COL23A1: variants seen among roughly 807,000 people sequenced by gnomAD.
COL23A1 encodes the protein collagen alpha-1(XXIII) chain.
In COL23A1, 97 loss-of-function variants were observed where a neutral mutation model predicts 99.3. That is an observed-to-expected ratio of 0.98 (90% CI 0.83 to 1.16). The LOEUF (loss-of-function observed/expected upper bound fraction) is 1.16, where lower values mean the gene tolerates loss of function less well. COL23A1 is among the 50% of genes most tolerant of loss of function. The probability of loss-of-function intolerance (pLI) is 0.00; values close to 1 mark genes in which losing one functional copy is unlikely to be tolerated. For missense variants in COL23A1, 762 were observed against 757.4 expected, an observed-to-expected ratio of 1.01 and a Z score of -0.07; for synonymous variants, 320 against 308.2, an observed-to-expected ratio of 1.04 and a Z score of -0.40.
chr5:178,258,927 T>C lies in COL23A1; in HGVS notation c.729+794A>G, dbSNP rs528477776. ...TCCAGGGTGGTCTTTTTTTTTTTTT[T>C]TTTTTGAGACGAGTCTCACTCTGTC... On this transcript the variant is annotated intron_variant, in intron 12 of 28. Transcript: ENST00000390654. Among the ~76,000 whole-genome samples, 705 of 150,124 alleles carry C rather than the reference T, an allele frequency of 4.7e-3. 4 individuals carry two copies. Among genetic ancestry groups the C allele is most frequent in the African/African-American group, 0.016 (660 of 40,754 alleles).
At chr5:178,398,198 C>A (rs1046682410) in intron 2 of COL23A1, among the ~76,000 whole-genome samples, 1 of 152,152 alleles carries the variant, frequency 6.6e-6, no homozygotes, top group African/African-American at 2.4e-5. Flanking sequence ...AGTGACAGAG[C>A]CTTTGAATAT....
At position 178,418,874 on chromosome 5, in the gene COL23A1, C is replaced by T. The variant is rs572593390; in HGVS notation, c.362-111955G>A. ...GGACTGCAGAGATCCAGGTATCATG[C>T]AAAGACTAGGATCATGCAATTACAG... On this transcript the variant is annotated intron_variant, in intron 2 of 28. Coordinates refer to ENST00000390654, the MANE Select transcript of COL23A1 (RefSeq NM_173465.4). Among the ~76,000 whole-genome samples the T allele has an allele frequency of 3.3e-5, 5 of 152,310 alleles. No individual in the cohort carries two copies. The South Asian group carries it at 1.0e-3, about 32-fold the overall frequency.
intron 1 of COL23A1, among the ~76,000 whole-genome samples, chr5:178,575,824 C>T (rs1006364887): frequency 2.0e-5 from 3 of 152,166 alleles, no homozygotes; most frequent in African/African-American, 7.2e-5. Flanking sequence ...GAAGCGGAGA[C>T]CAGGTCCACC....
At chr5:178,262,163 T>G (rs1765665522) in intron 10 of COL23A1, 54 bp downstream of exon 10, 7 of 1,546,736 alleles carry the variant, frequency 4.5e-6, no homozygotes, top group Non-Finnish European at 6.1e-6. Flanking sequence ...GGCTTCCAGG[T>G]CTGGGAACCA....
At chr5:178,380,382 A>G (rs1176485335) in intron 2 of COL23A1, among the ~76,000 whole-genome samples, 1 of 147,004 alleles carries the variant, frequency 6.8e-6, no homozygotes, top group East Asian at 2.0e-4. Flanking sequence ...TTGGATTTCT[A>G]GAGCATGCAT....
At chr5:178,360,405 C>T (rs556129522) in intron 2 of COL23A1, among the ~76,000 whole-genome samples, 6 of 152,320 alleles carry the variant, frequency 3.9e-5, no homozygotes, top group South Asian at 2.1e-4. Flanking sequence ...GCAAGGATGA[C>T]GCACACATCC....
intron 25 of COL23A1, among the ~76,000 whole-genome samples, chr5:178,242,814 C>T (rs1325337859): frequency 6.6e-6 from 1 of 152,214 alleles, no homozygotes; most frequent in Admixed American, 6.5e-5. Flanking sequence ...ACCCATCTGT[C>T]CATTCATCTA....
Position 178,245,954 on chromosome 5 carries a change from C to G in COL23A1, c.1428G>C (p.Glu476Asp). The G allele has an allele frequency of 2.5e-6, 4 of 1,614,180 alleles. No individual in the cohort carries two copies. The highest frequency in any genetic ancestry group is 3.4e-6 in the Non-Finnish European group (4 of 1,180,020). ...GTKGEKGRPG[E>D]PGLDGFPGPR... ...ATAAGACACTTACATCTAGTCCTGGCTCCCCGGGTCTGCCCTGAGGAGAGA... is the reference window on the plus strand; with the variant it reads ...ATAAGACACTTACATCTAGTCCTGGGTCCCCGGGTCTGCCCTGAGGAGAGA... Residue 476 changes from glutamate (E) to aspartate (D), a missense_variant, in exon 25 of 29, where the codon GAG (glutamate) becomes GAC (aspartate). Physicochemically the swap from Glu to Asp is conservative, Grantham distance 45. Transcript: ENST00000390654.
chr5:178,490,475 C>T (rs963316673), intron 2 of COL23A1, among the ~76,000 whole-genome samples: 1 of 151,874 alleles, frequency 6.6e-6, no homozygotes, highest in African/African-American at 2.4e-5. Context: ...TTAATGGGTA[C>T]AGAGTTTCAG....
chr5:178,409,049 AG>A (rs1764931003), intron 2 of COL23A1, among the ~76,000 whole-genome samples: 1 of 150,322 alleles, frequency 6.7e-6, no homozygotes. Flanking sequence ...TTGCACTCCT[AG>A]GTATTTATCT....
At chr5:178,408,405 T>C (rs1304527448) in intron 2 of COL23A1, among the ~76,000 whole-genome samples, 2 of 152,162 alleles carry the variant, frequency 1.3e-5, no homozygotes, top group Non-Finnish European at 1.5e-5. Flanking sequence ...AGCAAAAATA[T>C]GGGTAAATAT....
intron 5 of COL23A1, among the ~76,000 whole-genome samples, chr5:178,286,495 G>T (rs1757158520): frequency 6.6e-6 from 1 of 152,234 alleles, no homozygotes; most frequent in Non-Finnish European, 1.5e-5. Flanking sequence ...ATTCCCGACA[G>T]TCCTGTCATG....
At chr5:178,585,749 T>TACAGCCCTGGATGGC (rs1562115741) in intron 1 of COL23A1, among the ~76,000 whole-genome samples, 10 of 151,406 alleles carry the variant, frequency 6.6e-5, no homozygotes, top group South Asian at 2.1e-4. Flanking sequence ...TGGCTGACCC[T>TACAGCCCTGGATGGC]GTTGGTTGCT....
intron 2 of COL23A1, among the ~76,000 whole-genome samples, chr5:178,483,973 C>T (rs1362577088): frequency 1.3e-5 from 2 of 152,032 alleles, no homozygotes; most frequent in Admixed American, 6.6e-5. Flanking sequence ...GTTTCACTCT[C>T]ATTGCCCAGG....
In COL23A1 at chr5:178,309,788, T is replaced by C. The variant is rs1326994815; in HGVS notation, c.362-2869A>G. ...AGGCGAACGCTGCCCCTGCACTCAG[T>C]CCCCCACTCTGCCACTCGCTCTGCT... On this transcript the variant is annotated intron_variant, in intron 2 of 28. Transcript: ENST00000390654. The surrounding 1 kb of genome is among the most constrained non-coding windows in gnomAD (Gnocchi z 4.7). Among the ~76,000 whole-genome samples, 2 of 151,424 alleles carry C rather than the reference T, an allele frequency of 1.3e-5. No homozygotes were observed. The highest frequency in any genetic ancestry group is 3.9e-4 in the East Asian group (2 of 5,140).
At chr5:178,297,000 G>A (rs980198370) in intron 3 of COL23A1, among the ~76,000 whole-genome samples, 2 of 152,192 alleles carry the variant, frequency 1.3e-5, no homozygotes, top group Admixed American at 6.5e-5. Flanking sequence ...CACGGCACAC[G>A]GAATGAAATC....
At chr5:178,347,537 C>A (rs1449680973) in intron 2 of COL23A1, among the ~76,000 whole-genome samples, 1 of 151,892 alleles carries the variant, frequency 6.6e-6, no homozygotes, top group Non-Finnish European at 1.5e-5. Context: ...CTAAAAACCA[C>A]CGAGTCATAC....
chr5:178,338,300 A>G (rs2127657395), intron 2 of COL23A1, among the ~76,000 whole-genome samples: 1 of 150,684 alleles, frequency 6.6e-6, no homozygotes, highest in South Asian at 2.1e-4. Flanking sequence ...ATCTCCAGGA[A>G]GTCCAGAGGG....
rs115568830 is a variant in COL23A1 at position 178,493,757 on chromosome 5, C to A, written c.361+66925G>T. Among the ~76,000 whole-genome samples the A allele has an allele frequency of 8.6e-3, 1,310 of 152,354 alleles. 21 individuals are homozygous for A. Among genetic ancestry groups the A allele is most frequent in the African/African-American group, 0.027 (1,137 of 41,584 alleles). On this transcript the variant is annotated intron_variant, in intron 2 of 28. Coordinates refer to ENST00000390654, the MANE Select transcript of COL23A1 (RefSeq NM_173465.4). ...GTGGCTGCACGCAAAAGATTACAGG[C>A]CTTTCCAAAGCAAAGCTGCCGAACC... is the stretch of plus-strand genomic sequence containing the variant.
Sources: gnomAD v4.1 joint callset for allele counts (sites outside exome capture counted in the v4.1 genomes callset) on GRCh38, gnomAD v4.1.1 for gene constraint, Gnocchi (gnomAD v3.1) non-coding constraint, MANE v1.5 for transcripts, NCBI Gene and HGNC (gene_info 2026-07-23, HGNC 2026-07-21) for gene names.